HDAC9: variants seen among roughly 807,000 people sequenced by gnomAD.
The protein encoded by HDAC9 is histone deacetylase 9.
A neutral mutation model predicts 139.4 loss-of-function variants in HDAC9; 41 were observed. The ratio of observed to expected loss-of-function variants is 0.29; its 90% CI spans 0.23 to 0.38. The LOEUF (loss-of-function observed/expected upper bound fraction) is 0.38, where lower values mean the gene tolerates loss of function less well. Among genes scored for constraint, HDAC9 ranks in the 10% least tolerant of loss-of-function variants. The pLI is 1.00. For missense variants in HDAC9, 1,147 were observed against 1,297.0 expected (o/e 0.88, Z 1.78); for synonymous variants, 517 against 476.2 (o/e 1.09, Z -1.12).
intron 2 of HDAC9, among the ~76,000 whole-genome samples, chr7:18,181,166 T>C (rs1200327652): frequency 1.3e-5 from 2 of 152,206 alleles, no homozygotes; most frequent in Non-Finnish European, 2.9e-5. Flanking sequence ...GGGTATCTTT[T>C]GGGAGGTTGT....
chr7:18,500,722 C>G (rs1798144246), intron 2 of HDAC9, among the ~76,000 whole-genome samples: 1 of 151,986 alleles, frequency 6.6e-6, no homozygotes, highest in African/African-American at 2.4e-5. Context: ...AATGACGTAC[C>G]TTTCACCAAC....
intron 1 of HDAC9, among the ~76,000 whole-genome samples, chr7:18,351,254 C>T (rs773661091): frequency 5.3e-5 from 8 of 151,970 alleles, no homozygotes; most frequent in African/African-American, 1.5e-4. Context: ...TTTTATTTAT[C>T]GTTGTAAGAT....
At chr7:18,176,988 GT>G (rs1221078922) in intron 2 of HDAC9, among the ~76,000 whole-genome samples, 2 of 152,196 alleles carry the variant, frequency 1.3e-5, no homozygotes, top group Non-Finnish European at 2.9e-5. Flanking sequence ...CATAACTTGA[GT>G]TAGGTAATGT....
intron 1 of HDAC9, among the ~76,000 whole-genome samples, chr7:18,158,240 T>C (rs1263493062): frequency 6.6e-6 from 1 of 152,168 alleles, no homozygotes; most frequent in African/African-American, 2.4e-5. Flanking sequence ...AAAATGATTA[T>C]TGTGATGTTC....
At chr7:18,722,868 A>T (rs1324238040) in intron 12 of HDAC9, among the ~76,000 whole-genome samples, 1 of 152,198 alleles carries the variant, frequency 6.6e-6, no homozygotes, top group Non-Finnish European at 1.5e-5. Flanking sequence ...CATAGTTCCA[A>T]TAATTATGAA....
chr7:18,811,596 C>T (rs1794178035), intron 17 of HDAC9, among the ~76,000 whole-genome samples: 1 of 151,646 alleles, frequency 6.6e-6, no homozygotes, highest in Non-Finnish European at 1.5e-5. Context: ...AAAACATTTT[C>T]TGTAGAGCTT....
At chr7:18,171,692 T>G (rs1237415305) in intron 2 of HDAC9, among the ~76,000 whole-genome samples, 2 of 152,242 alleles carry the variant, frequency 1.3e-5, no homozygotes, top group East Asian at 3.8e-4. Context: ...TTTCTGCATC[T>G]ATTGAGATAA....
At chr7:18,392,208 C>G (rs1005455964) in intron 1 of HDAC9, among the ~76,000 whole-genome samples, 1 of 151,368 alleles carries the variant, frequency 6.6e-6, no homozygotes, top group African/African-American at 2.4e-5. Context: ...ATAATATGAT[C>G]CACAAGTGTG....
At position 18,328,046 on chromosome 7, in the gene HDAC9, A is replaced by G. The variant is rs113129194; in HGVS notation, c.-42+37531A>G. ...ATGACTGGAAAACATCAGAGTGGAA[A>G]TGAAGTATGGCTGAGAAACCTTTTT... On this transcript the variant is annotated intron_variant, in intron 1 of 3. Coordinates refer to the HDAC9 transcript ENST00000413509. Among the ~76,000 whole-genome samples, 410 of 152,108 alleles carry G rather than the reference A, an allele frequency of 2.7e-3. 3 individuals carry two copies. Among genetic ancestry groups the G allele is most frequent in the African/African-American group, 8.9e-3 (371 of 41,532 alleles).
intron 6 of HDAC9, among the ~76,000 whole-genome samples, chr7:18,595,330 T>G (rs922501999): frequency 3.4e-5 from 5 of 147,800 alleles, no homozygotes; most frequent in Admixed American, 6.8e-5. Flanking sequence ...AATTCCACCC[T>G]ATTATCTGCA....
intron 1 of HDAC9, among the ~76,000 whole-genome samples, chr7:18,339,906 G>A (rs1023841681): frequency 1.3e-5 from 2 of 151,430 alleles, no homozygotes; most frequent in African/African-American, 4.8e-5. Flanking sequence ...ATGAGGTCAA[G>A]TATGTTGATA....
At position 18,246,221 on chromosome 7, in the gene HDAC9, C is replaced by T. The variant is rs531349159; in HGVS notation, c.25+83872C>T. Among the ~76,000 whole-genome samples, 42 of 149,510 alleles carry T rather than the reference C, an allele frequency of 2.8e-4. 1 individual carries two copies. In the South Asian group the frequency reaches 6.6e-3, roughly 23 times the overall value. Reference sequence around the variant, plus strand: ...TTTGCATTATGAAGTAGGTGGTTGGCCTCATTAGATAAGACAGTGAACAGA... The same window carrying T: ...TTTGCATTATGAAGTAGGTGGTTGGTCTCATTAGATAAGACAGTGAACAGA... On this transcript the variant is annotated intron_variant, in intron 2 of 12. Coordinates refer to the HDAC9 transcript ENST00000417496.
At chr7:18,629,575 T>G (rs1032293135) in intron 7 of HDAC9, 94 bp downstream of exon 7, 1 of 1,206,910 alleles carries the variant, frequency 8.3e-7, no homozygotes, top group African/African-American at 1.6e-5. Context: ...TTAAAAGTTA[T>G]TTTGAGAAGA....
chr7:18,817,864 A>G (rs1193602253), intron 17 of HDAC9, among the ~76,000 whole-genome samples: 1 of 152,192 alleles, frequency 6.6e-6, no homozygotes, highest in Non-Finnish European at 1.5e-5. Context: ...TAATAATTAT[A>G]ATTATCATTA....
chr7:18,947,522 T>C (rs1472506625), intron 23 of HDAC9, among the ~76,000 whole-genome samples: 1 of 151,888 alleles, frequency 6.6e-6, no homozygotes, highest in Non-Finnish European at 1.5e-5. Flanking sequence ...ATGGAAAAAT[T>C]ATAATAAAAA....
At chr7:18,475,253 C>A (rs1795027434) in intron 1 of HDAC9, among the ~76,000 whole-genome samples, 1 of 152,192 alleles carries the variant, frequency 6.6e-6, no homozygotes, top group Non-Finnish European at 1.5e-5. Flanking sequence ...CCTGATCCCA[C>A]ACAAAGTGCC....
chr7:18,572,163 A>G (rs977379842), intron 2 of HDAC9, among the ~76,000 whole-genome samples: 1 of 151,840 alleles, frequency 6.6e-6, no homozygotes, highest in Non-Finnish European at 1.5e-5. Context: ...CTTACAGTAT[A>G]AGCTACATAA....
At chr7:18,443,419 A>G (rs1250884167) in intron 1 of HDAC9, among the ~76,000 whole-genome samples, 2 of 152,278 alleles carry the variant, frequency 1.3e-5, no homozygotes, top group South Asian at 2.1e-4. Context: ...GGTGTGTTCT[A>G]GGAAGAACAC....
At chr7:18,726,538 C>T (rs1785560548) in intron 12 of HDAC9, among the ~76,000 whole-genome samples, 1 of 152,076 alleles carries the variant, frequency 6.6e-6, no homozygotes, top group South Asian at 2.1e-4. Flanking sequence ...GTTTCTTTAT[C>T]CATGGCAAGA....
Sources: allele counts gnomAD v4.1 joint callset (sites outside exome capture counted in the v4.1 genomes callset), GRCh38; gene constraint gnomAD v4.1.1; transcripts MANE v1.5; gene names NCBI Gene and HGNC (gene_info 2026-07-23, HGNC 2026-07-21).